The following TBC1D2B variants were observed in gnomAD, a reference collection of about 807,000 sequenced individuals.
TBC1D2B encodes TBC1 domain family member 2B.
A neutral mutation model predicts 100.8 loss-of-function variants in TBC1D2B; 64 were observed. The ratio of observed to expected loss-of-function variants is 0.64; its 90% CI spans 0.52 to 0.78. TBC1D2B has a LOEUF of 0.78. Ranked by LOEUF, TBC1D2B falls within the 30% of genes least tolerant of loss-of-function variation. The pLI is 0.00. For synonymous variants in TBC1D2B, 480 were observed against 479.7 expected, an observed-to-expected ratio of 1.00 and a Z score of -0.01; for missense variants, 1,052 against 1,218.4, an observed-to-expected ratio of 0.86 and a Z score of 2.03.
In TBC1D2B at chr15:78,024,400, G is replaced by T. The variant is rs765963977; in HGVS notation, c.1226C>A (p.Thr409Asn). 6.2e-7 allele frequency: 1 copy of T among 1,613,926 alleles called. No homozygotes were observed. The highest frequency in any genetic ancestry group is 1.7e-5 in the Admixed American group (1 of 60,012). The change falls in exon 6 of 13, where the codon ACC becomes AAC. Residue 409 changes from threonine to asparagine, a missense_variant. This residue lies in a region of TBC1D2B where 627 missense variants were observed against 646.1 expected (regional missense o/e 0.97). Transcript: ENST00000300584. ...CAAGCTGAACCTCTCCAGCTGGCTGGTAAGGCCCAGAATCTGATCATCCTT... is the reference window on the plus strand; with the variant it reads ...CAAGCTGAACCTCTCCAGCTGGCTGTTAAGGCCCAGAATCTGATCATCCTT... ...HQKDDQILGLTSQLERFSLEK... is the reference protein window; with the variant it reads ...HQKDDQILGLNSQLERFSLEK...
intron 2 of TBC1D2B, among the ~76,000 whole-genome samples, chr15:78,049,398 T>C (rs770164513): frequency 1.3e-5 from 2 of 152,194 alleles, no homozygotes; most frequent in African/African-American, 4.8e-5. Context: ...CTTGCTAACA[T>C]GGCATGGGAC....
intron 1 of TBC1D2B, among the ~76,000 whole-genome samples, chr15:78,072,636 CAT>C (rs1032601781): frequency 6.6e-6 from 1 of 152,204 alleles, no homozygotes; most frequent in East Asian, 1.9e-4. Context: ...AACCAGTACA[CAT>C]GTCTATTTAG....
intron 3 of TBC1D2B, among the ~76,000 whole-genome samples, chr15:78,039,841 T>A (rs114533439): frequency 1.0e-3 from 157 of 151,532 alleles, no homozygotes; most frequent in African/African-American, 3.7e-3. Context: ...TAGCTCAACA[T>A]CACACACCCA....
intron 6 of TBC1D2B, among the ~76,000 whole-genome samples, chr15:78,021,270 T>C (rs759296067): frequency 2.0e-5 from 3 of 151,952 alleles, no homozygotes; most frequent in Non-Finnish European, 4.4e-5. Context: ...AAAAAAGATA[T>C]ATAAACATAT....
At chr15:78,046,804 C>A (rs894449929) in intron 2 of TBC1D2B, among the ~76,000 whole-genome samples, 2 of 152,160 alleles carry the variant, frequency 1.3e-5, no homozygotes, top group African/African-American at 2.4e-5. Context: ...GAGAAGCACA[C>A]AATCAGAGTC....
At chr15:78,070,158 TC>T (rs1442504105) in intron 1 of TBC1D2B, among the ~76,000 whole-genome samples, 1 of 152,180 alleles carries the variant, frequency 6.6e-6, no homozygotes, top group African/African-American at 2.4e-5. Flanking sequence ...CACCAGGCAC[TC>T]CTTGAGTCCC....
chr15:78,018,762 G>A (rs1399060676), intron 6 of TBC1D2B, among the ~76,000 whole-genome samples: 1 of 152,174 alleles, frequency 6.6e-6, no homozygotes, highest in African/African-American at 2.4e-5. Flanking sequence ...CAAAAAGGGG[G>A]TGAAGTGTTT....
chr15:78,068,274 A>T (rs1349137380), intron 1 of TBC1D2B, among the ~76,000 whole-genome samples: 1 of 152,130 alleles, frequency 6.6e-6, no homozygotes, highest in Non-Finnish European at 1.5e-5. Flanking sequence ...CTGTATTTGC[A>T]GCAAGCAGCA....
At chr15:78,053,971 C>G in intron 2 of TBC1D2B, 63 bp downstream of exon 2, 1 of 1,501,670 alleles carries the variant, frequency 6.7e-7, no homozygotes, top group Non-Finnish European at 9.0e-7. Context: ...CTGCTAAGTT[C>G]ATATGTGGTA....
rs556597113 is a variant in TBC1D2B, at chr15:78,001,808, A to AG, written c.2575-69dup. ...GGGTCCAGGCACAAGGCTGGACTCC[A>AG]GGGGGGTGCTGGCCCTACTGGGGAC... On this transcript the variant is annotated intron_variant, in intron 11 of 12. Transcript: ENST00000300584. 5,339 of 1,523,322 alleles carry AG rather than the reference A, an allele frequency of 3.5e-3. 7 individuals carry two copies. Among genetic ancestry groups the AG allele is most frequent in the Non-Finnish European group, 4.1e-3 (4,657 of 1,132,520 alleles). The allele number at this position is 1,523,322 out of a possible 1,614,324, so 94.4% of individuals were successfully genotyped here. A position where few individuals can be genotyped will look rare whatever the true frequency, so the allele number is the denominator to read the frequency against.
intron 1 of TBC1D2B, among the ~76,000 whole-genome samples, chr15:78,056,686 C>CTTTTTTTTTTTTT (rs368714497): frequency 8.9e-6 from 1 of 112,900 alleles, no homozygotes; most frequent in African/African-American, 4.0e-5. Context: ...CAGTCCTCCT[C>CTTTTTTTTTTTTT]TTTTTTTTTT....
intron 8 of TBC1D2B, among the ~76,000 whole-genome samples, chr15:78,016,018 C>T (rs1247167886): frequency 1.3e-5 from 2 of 152,196 alleles, no homozygotes; most frequent in African/African-American, 2.4e-5. Context: ...AAACAAGAGG[C>T]TGAACTGCGT....
chr15:78,030,603 C>A (rs948234050), intron 3 of TBC1D2B, among the ~76,000 whole-genome samples: 4 of 152,046 alleles, frequency 2.6e-5, no homozygotes, highest in Non-Finnish European at 2.9e-5. Flanking sequence ...AGCCACCTCA[C>A]CCAATCGAAA....
Position 78,003,505 on chromosome 15 carries a change from A to C in TBC1D2B, c.2389-15T>G. ...CGCTGGTCCACCTGGAGAGGGAACA[A>C]AGGGGAGAAGTGTATCAGGCCTGCC... On this transcript the variant is annotated splice_polypyrimidine_tract_variant and intron_variant, in intron 10 of 12. Transcript: ENST00000300584. 1 of 1,596,360 alleles carries C rather than the reference A, an allele frequency of 6.3e-7. No individual in the cohort carries two copies. Among genetic ancestry groups the C allele is most frequent in the Middle Eastern group, 1.7e-4 (1 of 6,006 alleles).
rs143915483 is a variant in TBC1D2B at position 78,024,343 on chromosome 15, G to C, written c.1283C>G (p.Thr428Arg). ...EKESLQQEVR[T>R]LKSKVGELNE... Reference sequence around the variant, plus strand: ...GAGCTCGCCCACTTTGCTCTTCAGCGTCCTTACTTCCTGCTGAAGACTCTC... The same window carrying C: ...GAGCTCGCCCACTTTGCTCTTCAGCCTCCTTACTTCCTGCTGAAGACTCTC... The change falls in exon 6 of 13, where the codon ACG becomes AGG. Residue 428 changes from threonine (T) to arginine (R), a missense_variant. Transcript: ENST00000300584. 1.2e-6 allele frequency: 2 copies of C among 1,614,064 alleles called. No homozygotes were observed. The highest frequency in any genetic ancestry group is 1.7e-6 in the Non-Finnish European group (2 of 1,179,906).
At chr15:78,042,433 C>T (rs994731649) in intron 3 of TBC1D2B, among the ~76,000 whole-genome samples, 1 of 150,970 alleles carries the variant, frequency 6.6e-6, no homozygotes, top group African/African-American at 2.4e-5. Context: ...TTGAGCAAGT[C>T]ACTTTACCTC....
At chr15:77,999,771 C>A (rs1239497807) in intron 12 of TBC1D2B, among the ~76,000 whole-genome samples, 1 of 152,210 alleles carries the variant, frequency 6.6e-6, no homozygotes, top group Non-Finnish European at 1.5e-5. Flanking sequence ...CTGACAGAGG[C>A]CCCTCGGCCC....
Position 77,996,826 on chromosome 15 carries a change from A to G in TBC1D2B, c.*1334T>C, listed in dbSNP as rs1221881102. 3 of 152,358 alleles carry G rather than the reference A, an allele frequency of 2.0e-5. No individual in the cohort carries two copies. Among genetic ancestry groups the G allele is most frequent in the East Asian group, 3.9e-4 (2 of 5,194 alleles). 9.4% of individuals were successfully genotyped at this position (152,358 alleles called of 1,614,324 possible). Reference sequence around the variant, plus strand: ...TAATATGAAACATTCCACTGAGATCATTTATCTTGTATTTTCATAACACTG... The same window carrying G: ...TAATATGAAACATTCCACTGAGATCGTTTATCTTGTATTTTCATAACACTG... On this transcript the variant is annotated 3_prime_UTR_variant, in exon 13 of 13. Coordinates refer to ENST00000300584, the MANE Select transcript of TBC1D2B (RefSeq NM_144572.2).
intron 3 of TBC1D2B, among the ~76,000 whole-genome samples, chr15:78,042,735 C>A (rs2073115534): frequency 6.6e-6 from 1 of 152,152 alleles, no homozygotes; most frequent in African/African-American, 2.4e-5. Context: ...CACAGAATGG[C>A]CGGAACACAG....
Sources: gnomAD v4.1 joint callset for allele counts (sites outside exome capture counted in the v4.1 genomes callset) on GRCh38, gnomAD v4.1.1 for gene constraint, gnomAD v4.1.1 regional missense constraint, MANE v1.5 for transcripts, NCBI Gene and HGNC (gene_info 2026-07-23, HGNC 2026-07-21) for gene names.